USH2A: variants seen among roughly 807,000 people sequenced by gnomAD.
The protein encoded by USH2A is Usher syndrome 2A (autosomal recessive, mild).
Under a neutral mutation model 538.9 loss-of-function variants are expected in USH2A, and 443 were observed. That is an observed-to-expected ratio of 0.82 (90% CI 0.76 to 0.89). The LOEUF (loss-of-function observed/expected upper bound fraction) is 0.89, where lower values mean the gene tolerates loss of function less well. USH2A is among the 40% of genes least tolerant of loss of function. The pLI is 0.00. For synonymous variants in USH2A, 2,413 were observed against 2,273.5 expected, an observed-to-expected ratio of 1.06 and a Z score of -1.75; for missense variants, 6,633 against 6,324.8, an observed-to-expected ratio of 1.05 and a Z score of -1.65.
intron 32 of USH2A, among the ~76,000 whole-genome samples, chr1:216,025,230 G>T (rs1668935303): frequency 6.6e-6 from 1 of 151,592 alleles, no homozygotes. Flanking sequence ...GTATTGATGG[G>T]CTTCTATGCC....
chr1:215,774,766 T>G (rs945959676), intron 55 of USH2A, among the ~76,000 whole-genome samples: 1 of 152,064 alleles, frequency 6.6e-6, no homozygotes, highest in Non-Finnish European at 1.5e-5. Flanking sequence ...CAAAGTACAT[T>G]GGAATATCTG....
chr1:215,833,062 A>C (rs1311847772), intron 47 of USH2A, among the ~76,000 whole-genome samples: 1 of 152,012 alleles, frequency 6.6e-6, no homozygotes, highest in Non-Finnish European at 1.5e-5. Flanking sequence ...AAAGGAAAGA[A>C]GATGCAAATA....
intron 61 of USH2A, among the ~76,000 whole-genome samples, chr1:215,709,893 A>C (rs2066404): frequency 0.93 from 141,652 of 152,200 alleles, 66,107 homozygotes; most frequent in East Asian, 1. Flanking sequence ...GACTATTTCT[A>C]GGGTTGAATG....
In USH2A at chr1:215,863,798, C is replaced by T. The variant is rs150297013; in HGVS notation, c.8845+3209G>A. 4.8e-3 allele frequency among the ~76,000 whole-genome samples: 723 copies of T among 151,798 alleles called. 8 individuals are homozygous for T. Among genetic ancestry groups the T allele is most frequent in the African/African-American group, 0.016 (679 of 41,356 alleles). ...GAGACTAACCTAAGCATAGGGAGAACCTGTCTCTACAAAAACATTTTAAAA... is the reference window on the plus strand; with the variant it reads ...GAGACTAACCTAAGCATAGGGAGAATCTGTCTCTACAAAAACATTTTAAAA... On this transcript the variant is annotated intron_variant, in intron 44 of 71. Transcript: ENST00000307340.
chr1:216,327,617 T>C lies in USH2A; in HGVS notation c.822A>G (p.Arg274=), dbSNP rs781616961. 6.2e-7 allele frequency: 1 copy of C among 1,613,164 alleles called. No homozygotes were observed. The highest frequency in any genetic ancestry group is 8.5e-7 in the Non-Finnish European group (1 of 1,179,512). Residue 274 remains arginine (R), a synonymous_variant, in exon 5 of 72, where the codon CGA becomes CGG. Coordinates refer to ENST00000307340, the MANE Select transcript of USH2A (RefSeq NM_206933.4). ...EQFVGRMQDF[R]LYQVALTNRE... ...TGTTTGTAAGTGCCACTTGGTATAA[T>C]CGAAAATCTTGCATTCTTCCGACAA...
intron 62 of USH2A, among the ~76,000 whole-genome samples, chr1:215,678,384 A>T (rs1400231168): frequency 1.3e-5 from 2 of 152,014 alleles, no homozygotes; most frequent in Non-Finnish European, 2.9e-5. Flanking sequence ...CTTCATACAC[A>T]CTAGCTTTCT....
chr1:216,251,735 C>G (rs2036167853), intron 11 of USH2A, among the ~76,000 whole-genome samples: 1 of 152,070 alleles, frequency 6.6e-6, no homozygotes, highest in Non-Finnish European at 1.5e-5. Context: ...TCACTGCACC[C>G]AGCCCACCTC....
intron 22 of USH2A, among the ~76,000 whole-genome samples, chr1:216,092,567 T>C (rs2032327937): frequency 6.6e-6 from 1 of 152,034 alleles, no homozygotes; most frequent in Non-Finnish European, 1.5e-5. Context: ...AAGAGAAGAG[T>C]ATTCAAAATT....
intron 55 of USH2A, among the ~76,000 whole-genome samples, chr1:215,769,183 A>G (rs566890988): frequency 2.0e-5 from 3 of 152,354 alleles, no homozygotes; most frequent in East Asian, 1.9e-4. Flanking sequence ...TGAATGCCAG[A>G]TGTAAATATG....
At chr1:215,868,109 T>C (rs12733601) in intron 43 of USH2A, among the ~76,000 whole-genome samples, 20,452 of 152,032 alleles carry the variant, frequency 0.13, 1,366 homozygotes, top group East Asian at 0.19. Context: ...ATTACCTAAT[T>C]TGGGTTTATT....
At chr1:215,642,277 T>C (rs1025971422) in intron 67 of USH2A, among the ~76,000 whole-genome samples, 1 of 152,244 alleles carries the variant, frequency 6.6e-6, no homozygotes, top group African/African-American at 2.4e-5. Context: ...CCTGTAAAGA[T>C]TGATTCCTAA....
chr1:215,672,229 G>T (rs938649030), intron 63 of USH2A, among the ~76,000 whole-genome samples: 1 of 151,872 alleles, frequency 6.6e-6, no homozygotes, highest in African/African-American at 2.4e-5. Flanking sequence ...CAATTTTCCC[G>T]CAGGCACCCA....
chr1:216,089,896 G>C (rs560893958), intron 22 of USH2A, among the ~76,000 whole-genome samples: 1 of 151,890 alleles, frequency 6.6e-6, no homozygotes, highest in Admixed American at 6.6e-5. Flanking sequence ...CAATTTTCCA[G>C]TATGTTATAG....
chr1:215,635,686 G>C (rs559900163), intron 69 of USH2A, among the ~76,000 whole-genome samples: 236 of 152,056 alleles, frequency 1.6e-3, no homozygotes, highest in African/African-American at 5.5e-3. Flanking sequence ...CTCCCAAGTA[G>C]CTGGGATTAC....
At chr1:216,244,978 A>G (rs2036008545) in intron 13 of USH2A, among the ~76,000 whole-genome samples, 1 of 152,210 alleles carries the variant, frequency 6.6e-6, no homozygotes, top group African/African-American at 2.4e-5. Flanking sequence ...AGAAGGATGT[A>G]TAAATCATGG....
chr1:215,825,888 C>A (rs1040768302), intron 47 of USH2A, among the ~76,000 whole-genome samples: 1 of 152,116 alleles, frequency 6.6e-6, no homozygotes, highest in Non-Finnish European at 1.5e-5. Flanking sequence ...AAATGCAAAA[C>A]CCATGTTCTT....
chr1:215,960,986 G>A (rs967017898), intron 37 of USH2A, among the ~76,000 whole-genome samples: 1 of 151,966 alleles, frequency 6.6e-6, no homozygotes, highest in African/African-American at 2.4e-5. Flanking sequence ...AGATTCTTCA[G>A]GTCCAACCTT....
At chr1:215,787,169 A>G (rs2102767354) in intron 51 of USH2A, among the ~76,000 whole-genome samples, 1 of 152,266 alleles carries the variant, frequency 6.6e-6, no homozygotes, top group Non-Finnish European at 1.5e-5. Flanking sequence ...GAACATGGAG[A>G]CAAAATTTAC....
chr1:215,916,955 TGAA>T (rs1665970805), intron 38 of USH2A, among the ~76,000 whole-genome samples: 1 of 152,126 alleles, frequency 6.6e-6, no homozygotes, highest in South Asian at 2.1e-4. Flanking sequence ...TCAGACAGAC[TGAA>T]GTCATCCTCT....
Sources: allele counts gnomAD v4.1 joint callset (sites outside exome capture counted in the v4.1 genomes callset), GRCh38; gene constraint gnomAD v4.1.1; transcripts MANE v1.5; gene names NCBI Gene and HGNC (gene_info 2026-07-23, HGNC 2026-07-21).